Variants in PIWIL1 observed in about 807,000 individuals in gnomAD.
PIWIL1 encodes the protein piwi-like protein 1.
PIWIL1 carries 73 observed loss-of-function variants against 114.4 expected under a neutral mutation model. That is an observed-to-expected ratio of 0.64 (90% CI 0.53 to 0.78). The LOEUF is 0.78. PIWIL1 is among the 30% of genes least tolerant of loss of function. The pLI, the probability that PIWIL1 is intolerant of heterozygous loss-of-function variation, is 0.00. For synonymous variants in PIWIL1, 375 were observed against 369.0 expected (o/e 1.02, Z -0.19); for missense variants, 723 against 1,063.1 (o/e 0.68, Z 4.45).
chr12:130,360,459 C>T lies in PIWIL1; in HGVS notation c.1666-721C>T, dbSNP rs187614586. ...AACATCTTGGCCGACACAATGAAAC[C>T]CCATCTCTACTAAAAATACAAAAAT... On this transcript the variant is annotated intron_variant, in intron 14 of 20. Coordinates refer to ENST00000245255, the MANE Select transcript of PIWIL1 (RefSeq NM_004764.5). Among the ~76,000 whole-genome samples the T allele has an allele frequency of 1.8e-3, 273 of 152,146 alleles. 1 individual carries two copies. The highest frequency in any genetic ancestry group is 6.3e-3 in the African/African-American group (263 of 41,506).
chr12:130,390,680 A>AC, the PIWIL1 span, among the ~76,000 whole-genome samples: 3 of 152,034 alleles, frequency 2.0e-5, no homozygotes, highest in Non-Finnish European at 2.9e-5. Context: ...CTTGTTTCCT[A>AC]CCCCTTACTC....
the PIWIL1 span, chr12:130,383,721 A>C: frequency 1.4e-3 from 208 of 152,322 alleles, 1 homozygote; most frequent in African/African-American, 4.8e-3. Context: ...GTGGTTTTCA[A>C]ATTTTACGTA....
At chr12:130,349,540 G>T (rs922692847) in intron 8 of PIWIL1, 104 bp downstream of exon 8, 16 of 775,820 alleles carry the variant, frequency 2.1e-5, no homozygotes, top group Non-Finnish European at 3.3e-5. Context: ...TGAGTGGTGG[G>T]AATAGCACAA....
the PIWIL1 span, chr12:130,412,683 C>A: frequency 6.2e-6 from 10 of 1,613,882 alleles, no homozygotes; most frequent in South Asian, 1.1e-5. Context: ...CCATCATCTC[C>A]TCATCATCTG....
chr12:130,412,654 C>T, the PIWIL1 span: 8 of 1,613,918 alleles, frequency 5.0e-6, no homozygotes, highest in Non-Finnish European at 6.8e-6. Context: ...AGGGAGAAAG[C>T]CCTGTCTAAG....
Position 130,371,984 on chromosome 12 carries a change from A to G in PIWIL1, c.*386A>G, listed in dbSNP as rs1264768483. The G allele has an allele frequency of 1.9e-5, 3 of 154,810 alleles. No homozygotes were observed. Among genetic ancestry groups the G allele is most frequent in the African/African-American group, 7.2e-5 (3 of 41,474 alleles). The allele number at this position is 154,810 out of a possible 1,614,324, so 9.6% of individuals were successfully genotyped here. A position where few individuals can be genotyped will look rare whatever the true frequency, so the allele number is the denominator to read the frequency against. On this transcript the variant is annotated 3_prime_UTR_variant, in exon 21 of 21. Transcript: ENST00000245255. ...AACCTATATTAACTTTATTTTTGAGATACCTGTTTTGAATTTAAAGGAGAT... is the reference window on the plus strand; with the variant it reads ...AACCTATATTAACTTTATTTTTGAGGTACCTGTTTTGAATTTAAAGGAGAT...
At chr12:130,414,310 C>T in the PIWIL1 span, 14 of 1,574,268 alleles carry the variant, frequency 8.9e-6, no homozygotes, top group African/African-American at 2.7e-5. Flanking sequence ...TAATCGTCTG[C>T]GAGCAAGTGG....
At chr12:130,376,445 C>T (rs560213793), downstream of PIWIL1, among the ~76,000 whole-genome samples, 386 of 152,300 alleles carry the variant, frequency 2.5e-3, 2 homozygotes, top group Admixed American at 3.5e-3. Context: ...ATTTTGATTT[C>T]GCAGAACTCC....
chr12:130,424,735 C>T, the PIWIL1 span: 2 of 1,232,278 alleles, frequency 1.6e-6, no homozygotes, highest in South Asian at 4.1e-5. The surrounding 1 kb of genome is among the most constrained non-coding windows in gnomAD (Gnocchi z 9.8). Flanking sequence ...TGTAGCAGCC[C>T]ACAGCACTCT....
downstream of PIWIL1, among the ~76,000 whole-genome samples, chr12:130,373,866 C>T (rs575700803): frequency 1.2e-4 from 18 of 152,238 alleles, no homozygotes; most frequent in African/African-American, 9.6e-5. Flanking sequence ...AATTCACTGC[C>T]GCACTCACAA....
the PIWIL1 span, chr12:130,397,084 T>TGATA: frequency 4.1e-6 from 1 of 241,412 alleles, no homozygotes; most frequent in East Asian, 7.7e-5. Context: ...GAGCTACAGG[T>TGATA]GATAGCTATG....
the PIWIL1 span, among the ~76,000 whole-genome samples, chr12:130,400,030 G>C: frequency 6.6e-6 from 1 of 152,166 alleles, no homozygotes; most frequent in Non-Finnish European, 1.5e-5. Flanking sequence ...GATTTCTCCT[G>C]TTCAGTGAGG....
At chr12:130,392,304 T>C in the PIWIL1 span, among the ~76,000 whole-genome samples, 94 of 149,326 alleles carry the variant, frequency 6.3e-4, no homozygotes, top group African/African-American at 2.3e-3. Flanking sequence ...GATGACCCGG[T>C]CACCGTCATC....
the PIWIL1 span, among the ~76,000 whole-genome samples, chr12:130,394,649 G>A: frequency 8.4e-6 from 1 of 118,518 alleles, no homozygotes; most frequent in African/African-American, 3.3e-5. Context: ...TTTCTGGAAG[G>A]TTGGGGATTT....
At chr12:130,367,380 T>A in intron 19 of PIWIL1, 122 bp downstream of exon 19, 1 of 980,220 alleles carries the variant, frequency 1.0e-6, no homozygotes, top group Non-Finnish European at 1.4e-6. Flanking sequence ...TTATAAACAT[T>A]AATTTTTTCA....
At chr12:130,391,924 T>C in the PIWIL1 span, among the ~76,000 whole-genome samples, 1 of 137,332 alleles carries the variant, frequency 7.3e-6, no homozygotes, top group Non-Finnish European at 1.6e-5. Flanking sequence ...CTGGTGAATA[T>C]TCAATGTGAT....
the PIWIL1 span, chr12:130,424,969 AG>A: frequency 5.3e-4 from 274 of 512,678 alleles, 1 homozygote; most frequent in East Asian, 2.5e-3. The surrounding 1 kb of genome is among the most constrained non-coding windows in gnomAD (Gnocchi z 9.8). Context: ...GGAGGCACCG[AG>A]GGGGGGGAAG....
At chr12:130,420,337 G>A in the PIWIL1 span, among the ~76,000 whole-genome samples, 18 of 150,208 alleles carry the variant, frequency 1.2e-4, no homozygotes, top group Admixed American at 2.1e-4. This position sits in a 1 kb window ranked among gnomAD's most constrained non-coding sequence, Gnocchi z 4.3. Flanking sequence ...CACAATTAAA[G>A]CAAACCTATC....
At chr12:130,351,177 C>T (rs1185681676) in intron 9 of PIWIL1, 1 of 152,172 alleles carries the variant, frequency 6.6e-6, no homozygotes, top group Non-Finnish European at 1.5e-5. Flanking sequence ...GGTATATCAA[C>T]AGCAAATATA....
Sources: allele counts gnomAD v4.1 joint callset (sites outside exome capture counted in the v4.1 genomes callset), GRCh38; gene constraint gnomAD v4.1.1; non-coding constraint Gnocchi (gnomAD v3.1); transcripts MANE v1.5; gene names NCBI Gene and HGNC (gene_info 2026-07-23, HGNC 2026-07-21).